The following NEDD4L variants were observed in gnomAD, a reference collection of about 807,000 sequenced individuals.
NEDD4L encodes the protein NEDD4 like E3 ubiquitin protein ligase.
Under a neutral mutation model 148.9 loss-of-function variants are expected in NEDD4L, and 54 were observed. The observed-to-expected ratio is 0.36, with a 90% CI of 0.29 to 0.45. The LOEUF (loss-of-function observed/expected upper bound fraction) is 0.45, where lower values mean the gene tolerates loss of function less well. Ranked by LOEUF, NEDD4L falls within the 20% of genes least tolerant of loss-of-function variation. The pLI, the probability that NEDD4L is intolerant of heterozygous loss-of-function variation, is 1.00. For synonymous variants in NEDD4L, 433 were observed against 440.7 expected, an observed-to-expected ratio of 0.98 and a Z score of 0.22; for missense variants, 856 against 1,233.8, an observed-to-expected ratio of 0.69 and a Z score of 4.59.
chr18:58,359,795 A>G (rs1233825408), intron 19 of NEDD4L: 1 of 152,234 alleles, frequency 6.6e-6, no homozygotes, highest in Non-Finnish European at 1.5e-5. Flanking sequence ...CTACTGAATC[A>G]GCACCTCTGG....
chr18:58,317,542 A>T (rs1212590339), intron 6 of NEDD4L, among the ~76,000 whole-genome samples: 1 of 152,218 alleles, frequency 6.6e-6, no homozygotes, highest in East Asian at 1.9e-4. Flanking sequence ...AAGAGGCAAA[A>T]GTGACATGTT....
intron 1 of NEDD4L, among the ~76,000 whole-genome samples, chr18:58,090,101 G>A (rs1016437663): frequency 3.3e-5 from 5 of 152,166 alleles, no homozygotes; most frequent in Non-Finnish European, 7.3e-5. Flanking sequence ...TCCTCCCAAA[G>A]TGCTGGGATT....
intron 1 of NEDD4L, among the ~76,000 whole-genome samples, chr18:58,134,147 C>T (rs62096186): frequency 0.063 from 9,576 of 152,082 alleles, 379 homozygotes; most frequent in East Asian, 0.2. Flanking sequence ...ACTACAGGCG[C>T]GTGCCACAAT....
chr18:58,215,620 A>G (rs949686650), intron 2 of NEDD4L, among the ~76,000 whole-genome samples: 1 of 152,202 alleles, frequency 6.6e-6, no homozygotes, highest in Non-Finnish European at 1.5e-5. Flanking sequence ...TGGAAAGCTA[A>G]CAACTACTTA....
intron 1 of NEDD4L, among the ~76,000 whole-genome samples, chr18:58,115,013 A>T (rs906827433): frequency 6.6e-6 from 1 of 152,112 alleles, no homozygotes; most frequent in Admixed American, 6.5e-5. Context: ...TTCCATCTGC[A>T]GCCTTAATCC....
chr18:58,148,315 G>GC (rs4149594), intron 1 of NEDD4L, among the ~76,000 whole-genome samples: 89,099 of 151,750 alleles, frequency 0.59, 26,489 homozygotes, highest in African/African-American at 0.66. Flanking sequence ...ACAGGCACAT[G>GC]CACTGTGTCT....
intron 2 of NEDD4L, among the ~76,000 whole-genome samples, chr18:58,241,582 T>C (rs2046639958): frequency 6.7e-6 from 1 of 150,320 alleles, no homozygotes; most frequent in Non-Finnish European, 1.5e-5. Flanking sequence ...GACTAGCAGG[T>C]CTGGGGTGGG....
intron 5 of NEDD4L, among the ~76,000 whole-genome samples, chr18:58,283,551 A>G (rs2053485465): frequency 6.6e-6 from 1 of 152,174 alleles, no homozygotes; most frequent in Non-Finnish European, 1.5e-5. Context: ...TAAAGACTAC[A>G]ATACTATCCC....
chr18:58,256,409 G>C lies in NEDD4L; in HGVS notation c.297+4355G>C. Reference sequence around the variant, plus strand: ...GCCCCAACAAGGCGCTTCGGGGCCAGGCAGCGACCTCAACTTTGGCTTCAC... The same window carrying C: ...GCCCCAACAAGGCGCTTCGGGGCCACGCAGCGACCTCAACTTTGGCTTCAC... On this transcript the variant is annotated intron_variant, in intron 5 of 30. Transcript: ENST00000400345. The surrounding 1 kb of genome is among the most constrained non-coding windows in gnomAD (Gnocchi z 5.2). 1 of 1,232,392 alleles carries C rather than the reference G, an allele frequency of 8.1e-7. No homozygotes were observed. The highest frequency in any genetic ancestry group is 1.0e-6 in the Non-Finnish European group (1 of 988,138). 76.3% of individuals were successfully genotyped at this position (1,232,392 alleles called of 1,614,324 possible).
At chr18:58,102,873 A>G (rs1014405861) in intron 1 of NEDD4L, among the ~76,000 whole-genome samples, 1 of 152,172 alleles carries the variant, frequency 6.6e-6, no homozygotes. Context: ...TGTATATAAT[A>G]TAAAATAAAT....
intron 3 of NEDD4L, among the ~76,000 whole-genome samples, chr18:58,247,989 C>T (rs2047475736): frequency 6.6e-6 from 1 of 152,178 alleles, no homozygotes; most frequent in Admixed American, 6.5e-5. Context: ...TTTTATGTTG[C>T]ACTCTGTTGA....
intron 5 of NEDD4L, among the ~76,000 whole-genome samples, chr18:58,306,359 C>T (rs188074053): frequency 3.6e-4 from 54 of 152,082 alleles, no homozygotes; most frequent in Middle Eastern, 3.4e-3. Context: ...CAAGCTCATA[C>T]GTTACTCATT....
chr18:58,278,217 G>A (rs969427114), intron 5 of NEDD4L, among the ~76,000 whole-genome samples: 5 of 152,132 alleles, frequency 3.3e-5, no homozygotes, highest in Admixed American at 3.3e-4. Flanking sequence ...CATGCCTTTC[G>A]CAATCAACAG....
intron 5 of NEDD4L, among the ~76,000 whole-genome samples, chr18:58,312,511 C>T (rs976731946): frequency 2.7e-4 from 41 of 152,166 alleles, no homozygotes; most frequent in African/African-American, 8.4e-4. Context: ...GTTGTCCCTC[C>T]GGGGCCCACA....
intron 5 of NEDD4L, among the ~76,000 whole-genome samples, chr18:58,310,050 TCG>T (rs1568650629): frequency 2.0e-5 from 3 of 151,884 alleles, no homozygotes; most frequent in African/African-American, 7.3e-5. Flanking sequence ...TCACTCTTGC[TCG>T]CTCTCTTTCT....
At chr18:58,277,117 G>C (rs2052211578) in intron 5 of NEDD4L, among the ~76,000 whole-genome samples, 1 of 152,182 alleles carries the variant, frequency 6.6e-6, no homozygotes, top group Non-Finnish European at 1.5e-5. Context: ...CGAGGAAGAG[G>C]AGAAAAGGGA....
intron 1 of NEDD4L, 140 bp downstream of exon 1, chr18:58,044,848 C>T: frequency 9.3e-7 from 1 of 1,072,420 alleles, no homozygotes; most frequent in South Asian, 2.0e-5. Flanking sequence ...CGCCCCGGAG[C>T]GGGATCCAGG....
intron 1 of NEDD4L, among the ~76,000 whole-genome samples, chr18:58,103,593 T>C (rs1167861211): frequency 6.6e-6 from 1 of 152,162 alleles, no homozygotes; most frequent in East Asian, 1.9e-4. Context: ...GCAGAGTGTG[T>C]AGTTCTGTGG....
intron 1 of NEDD4L, among the ~76,000 whole-genome samples, chr18:58,083,198 T>C (rs1442709583): frequency 6.6e-6 from 1 of 152,204 alleles, no homozygotes; most frequent in African/African-American, 2.4e-5. Flanking sequence ...GTTAGTGGTA[T>C]ATATACGAGA....
Sources: gnomAD v4.1 joint callset for allele counts (sites outside exome capture counted in the v4.1 genomes callset) on GRCh38, gnomAD v4.1.1 for gene constraint, Gnocchi (gnomAD v3.1) non-coding constraint, MANE v1.5 for transcripts, NCBI Gene and HGNC (gene_info 2026-07-23, HGNC 2026-07-21) for gene names.